The following FOXJ3 variants were observed in gnomAD, a reference collection of about 807,000 sequenced individuals.
The protein encoded by FOXJ3 is forkhead box J3.
FOXJ3 carries 22 observed loss-of-function variants against 76.1 expected under a neutral mutation model. That is an observed-to-expected ratio of 0.29 (90% CI 0.21 to 0.41). The LOEUF (loss-of-function observed/expected upper bound fraction) is 0.41, where lower values mean the gene tolerates loss of function less well. Ranked by LOEUF, FOXJ3 falls within the 10% of genes least tolerant of loss-of-function variation. The pLI is 1.00. For missense variants in FOXJ3, 613 were observed against 762.1 expected (o/e 0.80, Z 2.30); for synonymous variants, 269 against 261.2 (o/e 1.03, Z -0.29).
chr1:42,234,878 C>T (rs370265818), intron 4 of FOXJ3, among the ~76,000 whole-genome samples: 3 of 152,248 alleles, frequency 2.0e-5, no homozygotes, highest in East Asian at 1.9e-4. Flanking sequence ...GCTGTCTGTC[C>T]GTTCTCAGAT....
intron 1 of FOXJ3, among the ~76,000 whole-genome samples, chr1:42,330,412 C>T (rs576518339): frequency 1.1e-4 from 17 of 152,236 alleles, no homozygotes; most frequent in Non-Finnish European, 2.4e-4. Context: ...CCAGGGTTGG[C>T]GGATCACTTG....
intron 4 of FOXJ3, among the ~76,000 whole-genome samples, chr1:42,252,269 G>C (rs1391591891): frequency 6.6e-6 from 1 of 152,026 alleles, no homozygotes; most frequent in East Asian, 1.9e-4. Context: ...CTTTTTGGTT[G>C]GTAAATTACT....
At chr1:42,248,534 CAAAA>C (rs4019586) in intron 4 of FOXJ3, among the ~76,000 whole-genome samples, 2 of 136,044 alleles carry the variant, frequency 1.5e-5, no homozygotes, top group Non-Finnish European at 3.1e-5. Context: ...ACTGCGTCTC[CAAAA>C]AAAAAAAAAA....
chr1:42,250,042 C>G (rs549383790), intron 4 of FOXJ3, among the ~76,000 whole-genome samples: 5 of 152,192 alleles, frequency 3.3e-5, no homozygotes, highest in South Asian at 2.1e-4. Context: ...AAGCATGAAG[C>G]TGGAGCCTGG....
chr1:42,297,144 T>C (rs1023908329), intron 2 of FOXJ3, among the ~76,000 whole-genome samples: 2 of 152,168 alleles, frequency 1.3e-5, no homozygotes, highest in African/African-American at 4.8e-5. Flanking sequence ...CTACTGATCA[T>C]TGTACATTGA....
chr1:42,205,193 G>A (rs1646837699), intron 6 of FOXJ3, among the ~76,000 whole-genome samples: 1 of 152,102 alleles, frequency 6.6e-6, no homozygotes, highest in African/African-American at 2.4e-5. Flanking sequence ...GTCTTATAAA[G>A]AAGAGACAGA....
At chr1:42,230,555 A>T (rs1419166131) in intron 4 of FOXJ3, among the ~76,000 whole-genome samples, 1 of 152,220 alleles carries the variant, frequency 6.6e-6, no homozygotes, top group African/African-American at 2.4e-5. Flanking sequence ...AATAATTTTA[A>T]TAATTTTCTG....
At position 42,191,721 on chromosome 1, in the gene FOXJ3, T is replaced by C; in HGVS notation, c.935-2A>G. ...ATTCAGAAGGGATGTTCATCAAACC[T>C]AAAAACAAAGCAAGATCATTTATGG... On this transcript the variant is annotated splice_acceptor_variant, in intron 8 of 12. Transcript: ENST00000361346. LOFTEE classifies it high-confidence loss of function. 1 of 1,605,870 alleles carries C rather than the reference T, an allele frequency of 6.2e-7. No individual in the cohort carries two copies. Among genetic ancestry groups the C allele is most frequent in the Non-Finnish European group, 8.5e-7 (1 of 1,173,088 alleles).
chr1:42,218,842 C>T (rs1272212134), intron 5 of FOXJ3, among the ~76,000 whole-genome samples: 1 of 152,220 alleles, frequency 6.6e-6, no homozygotes, highest in Non-Finnish European at 1.5e-5. Flanking sequence ...CTCCTCCCTC[C>T]TCAAACACTG....
At chr1:42,277,084 T>C (rs1652320782) in intron 3 of FOXJ3, among the ~76,000 whole-genome samples, 1 of 152,210 alleles carries the variant, frequency 6.6e-6, no homozygotes, top group South Asian at 2.1e-4. Flanking sequence ...GAAATATACA[T>C]GGGAACCTTC....
At chr1:42,297,878 C>T (rs1653887081) in intron 2 of FOXJ3, among the ~76,000 whole-genome samples, 1 of 152,046 alleles carries the variant, frequency 6.6e-6, no homozygotes, top group Non-Finnish European at 1.5e-5. Flanking sequence ...TCCTAAATAC[C>T]AGCTTTTCTT....
intron 1 of FOXJ3, chr1:42,334,070 C>A (rs753122924): frequency 1.1e-5 from 8 of 707,988 alleles, no homozygotes; most frequent in Non-Finnish European, 1.4e-5. Flanking sequence ...TGCACCAACA[C>A]GGAATAGTAA....
chr1:42,294,464 G>C (rs150451799), intron 2 of FOXJ3, among the ~76,000 whole-genome samples: 1 of 152,118 alleles, frequency 6.6e-6, no homozygotes, highest in Non-Finnish European at 1.5e-5. Context: ...GAATAAAGAA[G>C]CCATGAACTT....
chr1:42,192,152 G>A (rs1018568590), intron 8 of FOXJ3, among the ~76,000 whole-genome samples: 1 of 152,168 alleles, frequency 6.6e-6, no homozygotes, highest in African/African-American at 2.4e-5. Flanking sequence ...AAAGACCAAG[G>A]CTTTGATAGA....
intron 1 of FOXJ3, among the ~76,000 whole-genome samples, chr1:42,324,399 A>G (rs182993719): frequency 1.4e-3 from 212 of 147,958 alleles, no homozygotes; most frequent in Admixed American, 4.9e-3. Context: ...AATACTATAT[A>G]TACTATATAT....
At chr1:42,236,187 T>C (rs1169454998) in intron 4 of FOXJ3, among the ~76,000 whole-genome samples, 1 of 152,176 alleles carries the variant, frequency 6.6e-6, no homozygotes, top group Non-Finnish European at 1.5e-5. Context: ...GGTTTTGTTT[T>C]TTGGCAAGGA....
At position 42,179,762 on chromosome 1, in the gene FOXJ3, G is replaced by C. The variant is rs1422595298; in HGVS notation, c.1817C>G (p.Ser606Cys). ...MPSQAFQMRR[S>C]LPPDDIQDDF... ...ATCCTGGATGTCATCTGGAGGCAGG[G>C]AACGCCGCATCTGGAAGGCTTGGGA... The change falls in exon 13 of 13, where the codon TCC becomes TGC. Residue 606 changes from serine to cysteine, a missense_variant. Physicochemically the swap from Ser to Cys is moderately radical, Grantham distance 112. This residue lies in a region of FOXJ3 where 526 missense variants were observed against 601.4 expected (regional missense o/e 0.87). Coordinates refer to ENST00000361346, the MANE Select transcript of FOXJ3 (RefSeq NM_014947.5). 3.7e-6 allele frequency: 6 copies of C among 1,613,950 alleles called. No homozygotes were observed. The highest frequency in any genetic ancestry group is 1.1e-5 in the South Asian group (1 of 91,080).
chr1:42,287,509 A>G (rs562281627), intron 2 of FOXJ3, among the ~76,000 whole-genome samples: 1 of 152,288 alleles, frequency 6.6e-6, no homozygotes, highest in African/African-American at 2.4e-5. Flanking sequence ...CTCTAAGTTA[A>G]AAGTCCAGAA....
chr1:42,187,108 A>G (rs938171285), intron 11 of FOXJ3, among the ~76,000 whole-genome samples: 1 of 151,378 alleles, frequency 6.6e-6, no homozygotes, highest in South Asian at 2.1e-4. Context: ...TCGGCCTCCC[A>G]AAGTGCTGGG....
Sources: gnomAD v4.1 joint callset for allele counts (sites outside exome capture counted in the v4.1 genomes callset) on GRCh38, gnomAD v4.1.1 for gene constraint, gnomAD v4.1.1 regional missense constraint, MANE v1.5 for transcripts, NCBI Gene and HGNC (gene_info 2026-07-23, HGNC 2026-07-21) for gene names.